The following LYPLAL1 variants were observed in gnomAD, a reference collection of about 807,000 sequenced individuals.
LYPLAL1 encodes the protein lysophospholipase like 1, also known as lysophospholipase-like protein 1.
LYPLAL1 carries 23 observed loss-of-function variants against 19.7 expected under a neutral mutation model. The ratio of observed to expected loss-of-function variants is 1.17; its 90% CI spans 0.84 to 1.65. The LOEUF is 1.65. Among genes scored for constraint, LYPLAL1 ranks in the 40% most tolerant of loss-of-function variants. LYPLAL1 has a pLI of 0.00. For synonymous variants in LYPLAL1, 119 were observed against 96.3 expected, an observed-to-expected ratio of 1.24 and a Z score of -1.38; for missense variants, 355 against 279.4, an observed-to-expected ratio of 1.27 and a Z score of -1.93.
At chr1:219,348,231 C>T in the LYPLAL1 span, among the ~76,000 whole-genome samples, 6 of 152,336 alleles carry the variant, frequency 3.9e-5, no homozygotes, top group South Asian at 4.1e-4. Context: ...GTGCCAGCCA[C>T]GCCCTCTGGG....
At chr1:219,308,457 G>C in the LYPLAL1 span, among the ~76,000 whole-genome samples, 1 of 152,208 alleles carries the variant, frequency 6.6e-6, no homozygotes, top group East Asian at 1.9e-4. Flanking sequence ...GCATGTCAGA[G>C]ACCTTTGCAA....
chr1:219,351,542 C>T, the LYPLAL1 span, among the ~76,000 whole-genome samples: 10,431 of 152,086 alleles, frequency 0.069, 507 homozygotes, highest in South Asian at 0.14. Context: ...TAACCAAATA[C>T]TTCACCGAGA....
chr1:219,435,650 C>T, the LYPLAL1 span, among the ~76,000 whole-genome samples: 1 of 151,952 alleles, frequency 6.6e-6, no homozygotes, highest in Admixed American at 6.6e-5. Context: ...CATAGTGAAA[C>T]CCCGTCTGTA....
the LYPLAL1 span, among the ~76,000 whole-genome samples, chr1:219,391,281 G>C: frequency 6.6e-6 from 1 of 152,110 alleles, no homozygotes; most frequent in Non-Finnish European, 1.5e-5. Flanking sequence ...TGTGACCTGA[G>C]AACTTGGCTC....
chr1:219,336,188 C>T, the LYPLAL1 span, among the ~76,000 whole-genome samples: 2 of 151,526 alleles, frequency 1.3e-5, no homozygotes, highest in Non-Finnish European at 1.5e-5. Flanking sequence ...TTCTCTCAAC[C>T]AAGAGTTCTA....
At chr1:219,400,444 A>G in the LYPLAL1 span, among the ~76,000 whole-genome samples, 3 of 152,174 alleles carry the variant, frequency 2.0e-5, no homozygotes, top group South Asian at 6.2e-4. Context: ...TCACCCAGGC[A>G]GTAAACTCAT....
At chr1:219,421,494 GTTGAGT>G in the LYPLAL1 span, among the ~76,000 whole-genome samples, 1 of 152,190 alleles carries the variant, frequency 6.6e-6, no homozygotes, top group African/African-American at 2.4e-5. Flanking sequence ...TCACAAGGTT[GTTGAGT>G]TTAAGATATT....
chr1:219,210,414 C>A, intron 3 of LYPLAL1, 118 bp from the exon 4 acceptor site: 1 of 672,336 alleles, frequency 1.5e-6, no homozygotes, highest in Non-Finnish European at 2.3e-6. Context: ...GACGAAATTT[C>A]TTTTTAGCAT....
the LYPLAL1 span, among the ~76,000 whole-genome samples, chr1:219,221,999 C>G: frequency 6.6e-6 from 1 of 152,156 alleles, no homozygotes; most frequent in Non-Finnish European, 1.5e-5. Context: ...CCCTATGGGA[C>G]CCAGTAGGAT....
At chr1:219,339,237 G>T in the LYPLAL1 span, among the ~76,000 whole-genome samples, 3 of 151,912 alleles carry the variant, frequency 2.0e-5, no homozygotes, top group Non-Finnish European at 4.4e-5. Context: ...GATCTAGGAG[G>T]ACTGAGTCCC....
At chr1:219,329,270 A>G in the LYPLAL1 span, among the ~76,000 whole-genome samples, 1 of 152,190 alleles carries the variant, frequency 6.6e-6, no homozygotes, top group African/African-American at 2.4e-5. Context: ...GGACAAAGGG[A>G]TAAATAAATA....
chr1:219,206,163 A>G (rs985595472), intron 3 of LYPLAL1, among the ~76,000 whole-genome samples: 6 of 152,160 alleles, frequency 3.9e-5, no homozygotes, highest in Middle Eastern at 3.4e-3. Flanking sequence ...TAGTCTTTTT[A>G]TAGATTGTTT....
the LYPLAL1 span, among the ~76,000 whole-genome samples, chr1:219,332,168 G>A: frequency 6.6e-6 from 1 of 152,140 alleles, no homozygotes; most frequent in Admixed American, 6.6e-5. Context: ...CATTCAAGCA[G>A]TCAGGTTACC....
the LYPLAL1 span, among the ~76,000 whole-genome samples, chr1:219,316,764 A>T: frequency 6.6e-6 from 1 of 152,228 alleles, no homozygotes; most frequent in Non-Finnish European, 1.5e-5. Flanking sequence ...AATCTTGCAG[A>T]CACTACATTA....
At chr1:219,381,909 T>G in the LYPLAL1 span, among the ~76,000 whole-genome samples, 2 of 152,162 alleles carry the variant, frequency 1.3e-5, no homozygotes, top group Non-Finnish European at 2.9e-5. Context: ...AATCACATGG[T>G]CTGTATGGAT....
intron 3 of LYPLAL1, among the ~76,000 whole-genome samples, chr1:219,193,925 T>C (rs1282921433): frequency 6.6e-6 from 1 of 151,970 alleles, no homozygotes; most frequent in Non-Finnish European, 1.5e-5. Context: ...CAATGAGTTG[T>C]ATTTAATGAT....
chr1:219,412,567 A>G, the LYPLAL1 span, among the ~76,000 whole-genome samples: 1 of 152,208 alleles, frequency 6.6e-6, no homozygotes, highest in Non-Finnish European at 1.5e-5. Context: ...TAATGGGTAA[A>G]TGTCTGCTAT....
chr1:219,412,951 A>G, the LYPLAL1 span, among the ~76,000 whole-genome samples: 1 of 152,354 alleles, frequency 6.6e-6, no homozygotes, highest in South Asian at 2.1e-4. Context: ...CCTATAAGAC[A>G]TTATCAAGAG....
the LYPLAL1 span, among the ~76,000 whole-genome samples, chr1:219,346,235 G>A: frequency 6.6e-6 from 1 of 152,126 alleles, no homozygotes; most frequent in African/African-American, 2.4e-5. Context: ...CAGCAAGGAA[G>A]GAGTGTGACT....
Sources: gnomAD v4.1 joint callset for allele counts (sites outside exome capture counted in the v4.1 genomes callset) on GRCh38, gnomAD v4.1.1 for gene constraint, MANE v1.5 for transcripts, NCBI Gene and HGNC (gene_info 2026-07-23, HGNC 2026-07-21) for gene names.